VPS53: variants seen among roughly 807,000 people sequenced by gnomAD.
VPS53 encodes the protein VPS53 subunit of GARP complex, also known as vacuolar protein sorting-associated protein 53 homolog.
A neutral mutation model predicts 107.0 loss-of-function variants in VPS53; 70 were observed. That is an observed-to-expected ratio of 0.65 (90% CI 0.54 to 0.80). The LOEUF (loss-of-function observed/expected upper bound fraction) is 0.80, where lower values mean the gene tolerates loss of function less well. Among genes scored for constraint, VPS53 ranks in the 30% least tolerant of loss-of-function variants. The pLI, the probability that VPS53 is intolerant of heterozygous loss-of-function variation, is 0.00. For synonymous variants in VPS53, 409 were observed against 393.3 expected (o/e 1.04, Z -0.47); for missense variants, 917 against 1,049.4 (o/e 0.87, Z 1.74).
chr17:545,068 G>A (rs76997247), intron 17 of VPS53, among the ~76,000 whole-genome samples: 1 of 152,270 alleles, frequency 6.6e-6, no homozygotes, highest in East Asian at 1.9e-4. Context: ...GCAACAGAGT[G>A]AAGAAATTTT....
At chr17:545,979 C>T (rs1911153172) in intron 17 of VPS53, among the ~76,000 whole-genome samples, 1 of 152,182 alleles carries the variant, frequency 6.6e-6, no homozygotes, top group Non-Finnish European at 1.5e-5. Flanking sequence ...TATAGCCAAA[C>T]AGTGTGGTAC....
At chr17:627,077 G>T in intron 10 of VPS53, 97 bp downstream of exon 10, 1 of 1,457,404 alleles carries the variant, frequency 6.9e-7, no homozygotes. Context: ...TCTGGAAGTG[G>T]CATCAAATCC....
chr17:562,837 C>A, intron 13 of VPS53, 92 bp from the exon 14 acceptor site: 2 of 1,399,406 alleles, frequency 1.4e-6, no homozygotes. Flanking sequence ...ACTACTGCCA[C>A]AAGTAATCAT....
chr17:640,105 G>A (rs908787595), intron 7 of VPS53, among the ~76,000 whole-genome samples: 4 of 152,148 alleles, frequency 2.6e-5, no homozygotes, highest in South Asian at 2.1e-4. Flanking sequence ...AATGGCGGGC[G>A]CCCCTCTCCC....
At chr17:673,685 C>T (rs1263654155) in intron 4 of VPS53, 2 of 152,276 alleles carry the variant, frequency 1.3e-5, no homozygotes, top group Admixed American at 6.5e-5. Context: ...CTCCACACCA[C>T]TTAGGAACCT....
chr17:714,641 C>T lies in VPS53; in HGVS notation c.69G>A (p.Val23=), dbSNP rs753398021. Residue 23 remains valine (V), a synonymous_variant, in exon 1 of 22, where the codon GTG becomes GTA. Transcript: ENST00000437048. ...CGCTTACCTGCTCGATGGCCAGCTG[C>T]ACCTCGGGCGTGAGCTGCAGCACGG... ...LEAVLQLTPE[V]QLAIEQVFPS... 3.7e-6 allele frequency: 6 copies of T among 1,612,638 alleles called. No homozygotes were observed. The Admixed American group carries it at 1.0e-4, about 27-fold the overall frequency.
chr17:656,983 G>A, intron 5 of VPS53: 2 of 907,064 alleles, frequency 2.2e-6, no homozygotes, highest in Non-Finnish European at 3.7e-6. Flanking sequence ...AAGATCCCGG[G>A]TACCTCTCTC....
chr17:708,375 AT>A (rs1973498521), intron 2 of VPS53, among the ~76,000 whole-genome samples: 1 of 152,148 alleles, frequency 6.6e-6, no homozygotes, highest in Non-Finnish European at 1.5e-5. Flanking sequence ...AGACGTCAGC[AT>A]TTTTTCTTTG....
rs77190629 is a variant in VPS53, at chr17:551,740, C to T, written c.1866+132G>A. 7.9e-4 allele frequency: 549 copies of T among 698,172 alleles called. 3 individuals are homozygous for T. The East Asian group carries it at 0.016, about 21-fold the overall frequency. 43.2% of individuals were successfully genotyped at this position (698,172 alleles called of 1,614,324 possible). On this transcript the variant is annotated intron_variant, in intron 17 of 21. Transcript: ENST00000437048. Reference sequence around the variant, plus strand: ...ACTAACTGAGTGCTTTCAGGAACTCCGGGGCCTCTCCATTCTCCTCAGCTG... The same window carrying T: ...ACTAACTGAGTGCTTTCAGGAACTCTGGGGCCTCTCCATTCTCCTCAGCTG...
intron 4 of VPS53, among the ~76,000 whole-genome samples, chr17:672,349 C>A (rs1036449324): frequency 1.3e-5 from 2 of 152,124 alleles, no homozygotes; most frequent in Non-Finnish European, 2.9e-5. Flanking sequence ...TTTGCCTAAG[C>A]CCGTTTGAAT....
intron 13 of VPS53, among the ~76,000 whole-genome samples, chr17:585,990 G>A (rs1316517694): frequency 3.9e-5 from 6 of 152,108 alleles, no homozygotes; most frequent in African/African-American, 1.4e-4. Context: ...AGCTTTGTGG[G>A]CTGATATATG....
Position 562,510 on chromosome 17 carries a change from G to C in VPS53, c.1549C>G (p.Leu517Val). The C allele has an allele frequency of 1.2e-6, 2 of 1,614,042 alleles. No individual in the cohort carries two copies. The highest frequency in any genetic ancestry group is 2.2e-5 in the South Asian group (2 of 91,054). ...ATGAAGAACAGGACTCACTTGGGCA[G>C]GTTGCCAGAGAGGATTTTCCAGGCG... Reference protein sequence around the residue: ...EYAWKILSGNLPKTTTSSGGL... With the variant: ...EYAWKILSGNVPKTTTSSGGL... Residue 517 changes from leucine (L) to valine (V), a missense_variant, in exon 14 of 22, where the codon CTG becomes GTG. Leu to Val is a conservative substitution (Grantham distance 32). Transcript: ENST00000437048.
chr17:677,974 A>C (rs1431481549), intron 4 of VPS53, among the ~76,000 whole-genome samples: 1 of 151,924 alleles, frequency 6.6e-6, no homozygotes, highest in Non-Finnish European at 1.5e-5. Flanking sequence ...AAAAAAAATT[A>C]GCCAGGCGTG....
intron 17 of VPS53, among the ~76,000 whole-genome samples, chr17:546,468 A>T (rs1374660538): frequency 1.3e-5 from 2 of 152,168 alleles, no homozygotes; most frequent in East Asian, 3.8e-4. Flanking sequence ...CAAATTTCAT[A>T]TCTGATAAGG....
intron 17 of VPS53, 183 bp downstream of exon 17, chr17:551,689 A>G: frequency 2.3e-6 from 1 of 433,566 alleles, no homozygotes; most frequent in Middle Eastern, 6.3e-4. Flanking sequence ...TAAAAGGACA[A>G]GCAACTGAAC....
At chr17:562,825 A>C (rs948437820) in intron 13 of VPS53, 80 bp from the exon 14 acceptor site, 1 of 1,471,226 alleles carries the variant, frequency 6.8e-7, no homozygotes, top group African/African-American at 1.4e-5. Context: ...CAATGTACAT[A>C]AACTACTGCC....
At chr17:526,532 G>A (rs1051129602) in intron 19 of VPS53, among the ~76,000 whole-genome samples, 1 of 152,350 alleles carries the variant, frequency 6.6e-6, no homozygotes, top group East Asian at 1.9e-4. Flanking sequence ...TTTGGCGGCT[G>A]TCTGTGCAAA....
intron 12 of VPS53, among the ~76,000 whole-genome samples, chr17:587,203 T>C (rs1967365714): frequency 1.3e-5 from 2 of 152,108 alleles, no homozygotes; most frequent in South Asian, 2.1e-4. Flanking sequence ...GCTGGGACTA[T>C]AGGCACACGC....
intron 13 of VPS53, among the ~76,000 whole-genome samples, chr17:563,589 C>T (rs371611751): frequency 6.6e-6 from 1 of 152,166 alleles, no homozygotes; most frequent in South Asian, 2.1e-4. Flanking sequence ...CCACTCACTG[C>T]GCCCAGCTCA....
Sources: gnomAD v4.1 joint callset for allele counts (sites outside exome capture counted in the v4.1 genomes callset) on GRCh38, gnomAD v4.1.1 for gene constraint, MANE v1.5 for transcripts, NCBI Gene and HGNC (gene_info 2026-07-23, HGNC 2026-07-21) for gene names.